Variants in ZPBP observed in about 807,000 individuals in gnomAD.
ZPBP encodes zona pellucida binding protein, also known as zona pellucida-binding protein 1.
ZPBP carries 26 observed loss-of-function variants against 44.8 expected under a neutral mutation model. The ratio of observed to expected loss-of-function variants is 0.58; its 90% confidence interval spans 0.43 to 0.81. The LOEUF is 0.81. ZPBP is among the 30% of genes least tolerant of loss of function. The probability of loss-of-function intolerance (pLI) is 0.00; values close to 1 mark genes in which losing one functional copy is unlikely to be tolerated. For missense variants in ZPBP, 409 were observed against 434.0 expected, an observed-to-expected ratio of 0.94 and a Z score of 0.51; for synonymous variants, 174 against 153.2, an observed-to-expected ratio of 1.14 and a Z score of -1.00.
chr7:49,842,967 C>T, the ZPBP span, among the ~76,000 whole-genome samples: 14 of 152,204 alleles, frequency 9.2e-5, no homozygotes, highest in Non-Finnish European at 1.8e-4. Flanking sequence ...CTGTGTGATG[C>T]TGAGGTTTGG....
chr7:49,890,147 T>A (rs1382305724), intron 2 of ZPBP, among the ~76,000 whole-genome samples: 2 of 152,212 alleles, frequency 1.3e-5, no homozygotes, highest in Non-Finnish European at 2.9e-5. Flanking sequence ...TTAACACAGA[T>A]GAAGCAGAGC....
intron 5 of ZPBP, among the ~76,000 whole-genome samples, chr7:50,027,837 A>G (rs1159649932): frequency 6.6e-6 from 1 of 152,006 alleles, no homozygotes; most frequent in Non-Finnish European, 1.5e-5. Flanking sequence ...CGCTAGAAAC[A>G]CACAAACTAC....
intron 1 of ZPBP, among the ~76,000 whole-genome samples, chr7:49,902,622 C>G (rs1792828647): frequency 1.3e-5 from 2 of 149,376 alleles, no homozygotes; most frequent in Non-Finnish European, 3.0e-5. Context: ...CAGAATGGAT[C>G]ATAGATTTAA....
chr7:49,901,087 AT>A (rs1792699410), intron 2 of ZPBP: 1 of 151,924 alleles, frequency 6.6e-6, no homozygotes, highest in Non-Finnish European at 1.5e-5. Flanking sequence ...GATAAAGACT[AT>A]TTACAAAAAA....
At chr7:50,060,834 T>C (rs923359087) in intron 3 of ZPBP, among the ~76,000 whole-genome samples, 1 of 152,136 alleles carries the variant, frequency 6.6e-6, no homozygotes, top group Admixed American at 6.5e-5. Flanking sequence ...CATTCTGATA[T>C]GAAAATCTGG....
intron 3 of ZPBP, among the ~76,000 whole-genome samples, chr7:50,075,955 G>C (rs1186435958): frequency 2.0e-5 from 3 of 151,738 alleles, no homozygotes; most frequent in African/African-American, 7.3e-5. Flanking sequence ...ATCATAAAAA[G>C]AAAACTACAA....
intron 2 of ZPBP, among the ~76,000 whole-genome samples, chr7:49,880,089 T>A (rs901138394): frequency 3.9e-5 from 6 of 152,212 alleles, no homozygotes; most frequent in Admixed American, 1.3e-4. Flanking sequence ...TTTGGAATAA[T>A]AACTCCCGTT....
At chr7:49,915,500 T>A (rs764178399) in intron 1 of ZPBP, 2 of 152,200 alleles carry the variant, frequency 1.3e-5, no homozygotes, top group Non-Finnish European at 2.9e-5. Flanking sequence ...AAATGTTGCA[T>A]TTATATAAGG....
At chr7:50,011,798 T>C (rs774605362) in intron 6 of ZPBP, among the ~76,000 whole-genome samples, 1 of 151,962 alleles carries the variant, frequency 6.6e-6, no homozygotes, top group Non-Finnish European at 1.5e-5. Flanking sequence ...ATGACTGTAA[T>C]CCCAGCACTT....
intron 7 of ZPBP, among the ~76,000 whole-genome samples, chr7:49,979,960 TTTA>T (rs1796713837): frequency 1.8e-5 from 2 of 111,154 alleles, no homozygotes; most frequent in Non-Finnish European, 3.4e-5. Context: ...TATTAATATA[TTTA>T]TATTATATAT....
At chr7:49,953,135 G>A (rs535639974) in intron 7 of ZPBP, among the ~76,000 whole-genome samples, 1 of 152,112 alleles carries the variant, frequency 6.6e-6, no homozygotes, top group Admixed American at 6.6e-5. Flanking sequence ...TATGTTACAG[G>A]GAACTAAGGT....
intron 2 of ZPBP, among the ~76,000 whole-genome samples, chr7:49,887,862 C>G (rs1791966717): frequency 6.6e-6 from 1 of 152,244 alleles, no homozygotes; most frequent in South Asian, 2.1e-4. Context: ...GCCTACTGCA[C>G]TTAACCACCA....
At chr7:49,915,918 C>G (rs938171029) in intron 1 of ZPBP, 1 of 152,156 alleles carries the variant, frequency 6.6e-6, no homozygotes, top group Non-Finnish European at 1.5e-5. Context: ...TACTTACCTA[C>G]TATATTTTTT....
intron 1 of ZPBP, chr7:49,921,907 T>C (rs560385179): frequency 2.0e-5 from 3 of 152,324 alleles, no homozygotes; most frequent in East Asian, 1.9e-4. Context: ...TGGATGGGTA[T>C]GTGTATTGAC....
intron 2 of ZPBP, among the ~76,000 whole-genome samples, chr7:49,854,503 A>C (rs1790333493): frequency 6.6e-6 from 1 of 152,106 alleles, no homozygotes; most frequent in Admixed American, 6.5e-5. Context: ...TGGCTGCATA[A>C]ATGTCTTCTT....
At chr7:49,861,820 C>T (rs1790661815) in intron 2 of ZPBP, among the ~76,000 whole-genome samples, 2 of 152,164 alleles carry the variant, frequency 1.3e-5, no homozygotes, top group South Asian at 4.1e-4. Flanking sequence ...TCTGGGTTTA[C>T]TTTTGGACTC....
intron 7 of ZPBP, among the ~76,000 whole-genome samples, chr7:49,963,008 T>A (rs949334618): frequency 1.3e-5 from 2 of 150,700 alleles, no homozygotes; most frequent in African/African-American, 4.9e-5. Context: ...AAAAATCTTA[T>A]AAGGAAATAC....
chr7:49,952,291 CAT>C (rs1366001027), intron 7 of ZPBP, among the ~76,000 whole-genome samples: 1 of 151,852 alleles, frequency 6.6e-6, no homozygotes, highest in Non-Finnish European at 1.5e-5. Context: ...TGGTGTGACA[CAT>C]GTTTATTTGA....
chr7:49,940,697 T>C lies in ZPBP; in HGVS notation c.962-3075A>G, dbSNP rs571948275. On this transcript the variant is annotated intron_variant, in intron 7 of 7. Coordinates refer to ENST00000046087, the MANE Select transcript of ZPBP (RefSeq NM_007009.3). ...GTTTGAAATGATTAAAAAAAAAAAA[T>C]TGTGGCATTTTTACTCACCACTGTC... 6.5e-5 allele frequency: 59 copies of C among 913,046 alleles called. No individual in the cohort carries two copies. The South Asian group carries it at 6.6e-4, about 10-fold the overall frequency. The allele number at this position is 913,046 out of a possible 1,614,324, so 56.6% of individuals were successfully genotyped here. A position where few individuals can be genotyped will look rare whatever the true frequency, so the allele number is the denominator to read the frequency against.
Sources: allele counts gnomAD v4.1 joint callset (sites outside exome capture counted in the v4.1 genomes callset), GRCh38; gene constraint gnomAD v4.1.1; transcripts MANE v1.5; gene names NCBI Gene and HGNC (gene_info 2026-07-23, HGNC 2026-07-21).